Variants in VWA3B observed in about 807,000 individuals in gnomAD.
The protein encoded by VWA3B is von Willebrand factor A domain containing 3B, also known as von Willebrand factor A domain-containing protein 3B.
Under a neutral mutation model 158.3 loss-of-function variants are expected in VWA3B, and 138 were observed. The ratio of observed to expected loss-of-function variants is 0.87; its 90% CI spans 0.76 to 1.00. VWA3B has a LOEUF of 1.00. VWA3B is among the 50% of genes least tolerant of loss of function. The pLI is 0.00. For synonymous variants in VWA3B, 596 were observed against 587.3 expected (o/e 1.01, Z -0.21); for missense variants, 1,555 against 1,565.1 (o/e 0.99, Z 0.11).
intron 6 of VWA3B, among the ~76,000 whole-genome samples, chr2:98,131,116 C>T (rs886870470): frequency 3.9e-5 from 6 of 152,316 alleles, no homozygotes; most frequent in African/African-American, 1.4e-4. Flanking sequence ...GATCCTCACA[C>T]CTTTCCCAGC....
intron 10 of VWA3B, among the ~76,000 whole-genome samples, chr2:98,192,040 T>A (rs990187505): frequency 6.6e-6 from 1 of 152,166 alleles, no homozygotes; most frequent in Non-Finnish European, 1.5e-5. Context: ...ACCAGGGCCT[T>A]GGTTATTACA....
intron 2 of VWA3B, among the ~76,000 whole-genome samples, chr2:98,102,789 C>T (rs373781543): frequency 1.3e-5 from 2 of 152,108 alleles, no homozygotes; most frequent in Admixed American, 6.5e-5. Flanking sequence ...CATTTGTACA[C>T]GATTGGTATT....
At chr2:98,122,713 GC>G (rs1019975526) in intron 5 of VWA3B, among the ~76,000 whole-genome samples, 2 of 152,142 alleles carry the variant, frequency 1.3e-5, no homozygotes, top group African/African-American at 4.8e-5. Flanking sequence ...GCTGCCTGTG[GC>G]CCCCTGACCT....
chr2:98,099,566 A>G (rs1413476304), intron 2 of VWA3B, among the ~76,000 whole-genome samples: 1 of 152,082 alleles, frequency 6.6e-6, no homozygotes, highest in Non-Finnish European at 1.5e-5. Flanking sequence ...AGTCTTATTT[A>G]GATTGGGTTG....
At chr2:98,163,709 A>G (rs1678838166) in intron 8 of VWA3B, among the ~76,000 whole-genome samples, 1 of 152,124 alleles carries the variant, frequency 6.6e-6, no homozygotes. Flanking sequence ...GAAAATTATT[A>G]AGAGGAGATG....
At chr2:98,278,946 C>T (rs920697852) in intron 22 of VWA3B, among the ~76,000 whole-genome samples, 1 of 152,134 alleles carries the variant, frequency 6.6e-6, no homozygotes, top group African/African-American at 2.4e-5. Flanking sequence ...GTTACCATCA[C>T]ACAGAAGTGA....
chr2:98,166,812 A>ACACACACACACT (rs1185745391), intron 8 of VWA3B, among the ~76,000 whole-genome samples: 3 of 152,040 alleles, frequency 2.0e-5, no homozygotes, highest in Admixed American at 6.6e-5. Context: ...ACACACACAC[A>ACACACACACACT]CACACACACA....
intron 24 of VWA3B, 60 bp from the exon 25 acceptor site, chr2:98,300,019 A>G (rs17029642): frequency 6.2e-7 from 1 of 1,601,736 alleles, no homozygotes; most frequent in Non-Finnish European, 8.5e-7. Flanking sequence ...AAACTTGCTT[A>G]TGTTAACATT....
intron 8 of VWA3B, among the ~76,000 whole-genome samples, 184 bp downstream of exon 8, chr2:98,163,160 CAT>C (rs1491522810): frequency 2.0e-5 from 3 of 151,560 alleles, no homozygotes; most frequent in Non-Finnish European, 2.9e-5. Flanking sequence ...CATGCATGGA[CAT>C]GTGTGTGTGT....
At position 98,217,895 on chromosome 2, in the gene VWA3B, T is replaced by C. The variant is rs1330041432; in HGVS notation, c.1886T>C (p.Ile629Thr). The change falls in exon 14 of 28, where the codon ATT (isoleucine) becomes ACT (threonine). Residue 629 changes from isoleucine to threonine, a missense_variant. By Grantham distance (89) the Ile-to-Thr change is moderately conservative. Coordinates refer to ENST00000477737, the MANE Select transcript of VWA3B (RefSeq NM_144992.5). ...GTCAAACGTTTTCAGGAAATTCCTA[T>C]TTATACCATCTCCTTCAATTACAAT... Reference protein sequence around the residue: ...DQVKRFQEIPIYTISFNYNDE... With the variant: ...DQVKRFQEIPTYTISFNYNDE... 6.2e-7 allele frequency: 1 copy of C among 1,612,630 alleles called. No individual in the cohort carries two copies. Among genetic ancestry groups the C allele is most frequent in the Non-Finnish European group, 8.5e-7 (1 of 1,179,412 alleles).
chr2:98,226,721 A>G (rs1211913979), intron 14 of VWA3B, among the ~76,000 whole-genome samples: 1 of 150,846 alleles, frequency 6.6e-6, no homozygotes, highest in Non-Finnish European at 1.5e-5. Flanking sequence ...TTAAAACTTA[A>G]CAGTAGAAAA....
chr2:98,218,947 G>A (rs1445583809), intron 14 of VWA3B, among the ~76,000 whole-genome samples: 3 of 152,136 alleles, frequency 2.0e-5, no homozygotes, highest in Non-Finnish European at 4.4e-5. Context: ...GTCTTGCCTC[G>A]GTAGTGGGAG....
At chr2:98,151,175 C>T (rs995062545) in intron 7 of VWA3B, among the ~76,000 whole-genome samples, 20 of 151,076 alleles carry the variant, frequency 1.3e-4, no homozygotes, top group African/African-American at 4.4e-4. Flanking sequence ...TTCAGTGGTA[C>T]GATCTCTGCT....
chr2:98,199,071 C>A lies in VWA3B; in HGVS notation c.1737+4579C>A, dbSNP rs183696366. On this transcript the variant is annotated intron_variant, in intron 12 of 27. Transcript: ENST00000477737. ...CACTGCACTCCATCCTGGGCGACAG[C>A]GCGAGACTCCGTCTCAAAAAAAAAA... Among the ~76,000 whole-genome samples, 325 of 136,994 alleles carry A rather than the reference C, an allele frequency of 2.4e-3. 1 individual carries two copies. Among genetic ancestry groups the A allele is most frequent in the African/African-American group, 8.8e-3 (312 of 35,392 alleles). 89.9% of individuals were successfully genotyped at this position (136,994 alleles called of 152,430 possible).
chr2:98,122,890 T>C (rs1675076567), intron 5 of VWA3B, among the ~76,000 whole-genome samples: 1 of 152,216 alleles, frequency 6.6e-6, no homozygotes, highest in Non-Finnish European at 1.5e-5. Context: ...TTCCAGGCAC[T>C]GATCATCAAA....
intron 7 of VWA3B, among the ~76,000 whole-genome samples, chr2:98,145,621 G>A (rs775159988): frequency 4.0e-5 from 6 of 151,820 alleles, no homozygotes; most frequent in East Asian, 1.9e-4. Flanking sequence ...TTCTGCCTGC[G>A]TTCACCCTCT....
At chr2:98,223,308 C>CAAAAAA (rs35992329) in intron 14 of VWA3B, among the ~76,000 whole-genome samples, 30 of 123,598 alleles carry the variant, frequency 2.4e-4, no homozygotes, top group African/African-American at 8.1e-4. Context: ...GAAAATAGAC[C>CAAAAAA]AAAAAAAAAA....
chr2:98,124,750 C>T (rs1209758707), intron 5 of VWA3B, among the ~76,000 whole-genome samples: 2 of 152,176 alleles, frequency 1.3e-5, no homozygotes, highest in Non-Finnish European at 2.9e-5. Context: ...AGAGCACAGG[C>T]TCTGGCCAGT....
chr2:98,136,979 T>A (rs1676335290), intron 7 of VWA3B, among the ~76,000 whole-genome samples: 1 of 152,254 alleles, frequency 6.6e-6, no homozygotes, highest in Non-Finnish European at 1.5e-5. Flanking sequence ...TATGTCAGAA[T>A]TTCCATCCTT....
Sources: gnomAD v4.1 joint callset for allele counts (sites outside exome capture counted in the v4.1 genomes callset) on GRCh38, gnomAD v4.1.1 for gene constraint, MANE v1.5 for transcripts, NCBI Gene and HGNC (gene_info 2026-07-23, HGNC 2026-07-21) for gene names.